GRIN2A: variants seen among roughly 807,000 people sequenced by gnomAD.
GRIN2A encodes glutamate receptor ionotropic, NMDA 2A.
GRIN2A carries 22 observed loss-of-function variants against 113.4 expected under a neutral mutation model. The observed-to-expected ratio is 0.19, with a 90% CI of 0.14 to 0.28. GRIN2A has a LOEUF of 0.28. Ranked by LOEUF, GRIN2A falls within the 10% of genes least tolerant of loss-of-function variation. The pLI is 1.00. For synonymous variants in GRIN2A, 827 were observed against 738.4 expected (o/e 1.12, Z -1.94); for missense variants, 1,502 against 1,887.0 (o/e 0.80, Z 3.78).
chr16:9,850,409 C>G (rs1238277306), intron 4 of GRIN2A, among the ~76,000 whole-genome samples: 1 of 152,166 alleles, frequency 6.6e-6, no homozygotes, highest in Non-Finnish European at 1.5e-5. Flanking sequence ...GAACACAATT[C>G]CCCCTACTTC....
intron 2 of GRIN2A, among the ~76,000 whole-genome samples, chr16:10,142,659 A>G (rs1191463775): frequency 6.6e-6 from 1 of 152,214 alleles, no homozygotes; most frequent in African/African-American, 2.4e-5. Context: ...AGATCATGCC[A>G]CTGTACTCTA....
At chr16:10,077,318 C>T in intron 2 of GRIN2A, among the ~76,000 whole-genome samples, 1 of 152,188 alleles carries the variant, frequency 6.6e-6, no homozygotes, top group East Asian at 1.9e-4. Context: ...GGATGTGTAA[C>T]AGGCATCTCA....
chr16:9,798,777 G>A (rs1432080249), intron 10 of GRIN2A, among the ~76,000 whole-genome samples: 1 of 152,188 alleles, frequency 6.6e-6, no homozygotes, highest in African/African-American at 2.4e-5. Flanking sequence ...GGAGGACAGT[G>A]CCCTATTTAG....
chr16:10,126,976 G>A (rs1177335473), intron 2 of GRIN2A, among the ~76,000 whole-genome samples: 1 of 152,146 alleles, frequency 6.6e-6, no homozygotes, highest in East Asian at 1.9e-4. Flanking sequence ...GGGGGAGTTG[G>A]AGCTGCCCTA....
At chr16:10,055,047 CAAAAAAAAAAAAAAAAAAAAA>C (rs71133304) in intron 2 of GRIN2A, among the ~76,000 whole-genome samples, 5 of 10,398 alleles carry the variant, frequency 4.8e-4, no homozygotes, top group African/African-American at 1.8e-3. Context: ...GACTCTATCT[CAAAAAAAAAAAAAAAAAAAAA>C]AAAAAAAAAA....
intron 2 of GRIN2A, among the ~76,000 whole-genome samples, chr16:10,052,456 G>C (rs778157989): frequency 2.8e-4 from 42 of 152,184 alleles, no homozygotes; most frequent in Non-Finnish European, 5.0e-4. Context: ...ACTTCCAACA[G>C]GAACGGTCAA....
In GRIN2A at chr16:10,180,061, G is replaced by A. The variant is rs2142387971; in HGVS notation, c.351C>T (p.Ser117=). 1 of 1,614,152 alleles carries A rather than the reference G, an allele frequency of 6.2e-7. No individual in the cohort carries two copies. Among genetic ancestry groups the A allele is most frequent in the Non-Finnish European group, 8.5e-7 (1 of 1,179,964 alleles). ...CCAAGATGGGGACGAAGGTGTGGGAGGAGATAAAATCCAGCATCTGGGCTA... is the reference window on the plus strand; with the variant it reads ...CCAAGATGGGGACGAAGGTGTGGGAAGAGATAAAATCCAGCATCTGGGCTA... ...EAVAQMLDFI[S]SHTFVPILGI... The change falls in exon 2 of 13, where the codon TCC becomes TCT. Residue 117 remains serine (S), a synonymous_variant. Coordinates refer to ENST00000330684, the MANE Select transcript of GRIN2A (RefSeq NM_001134407.3). The surrounding 1 kb of genome is among the most constrained non-coding windows in gnomAD (Gnocchi z 7.0).
At chr16:10,109,903 A>C (rs887147734) in intron 2 of GRIN2A, among the ~76,000 whole-genome samples, 10 of 150,474 alleles carry the variant, frequency 6.6e-5, no homozygotes, top group African/African-American at 2.5e-4. Flanking sequence ...ATTTTTTTTA[A>C]TTTTATTATT....
At chr16:10,176,057 C>T (rs188680114) in intron 2 of GRIN2A, among the ~76,000 whole-genome samples, 6 of 142,360 alleles carry the variant, frequency 4.2e-5, no homozygotes, top group Admixed American at 1.5e-4. Flanking sequence ...CAGGCTAGAG[C>T]GCAGTGGCAT....
intron 2 of GRIN2A, among the ~76,000 whole-genome samples, chr16:10,025,467 A>G (rs574969315): frequency 2.7e-5 from 4 of 150,906 alleles, no homozygotes; most frequent in Admixed American, 6.6e-5. Flanking sequence ...ACATCTGACT[A>G]TTTTTTCTTT....
intron 2 of GRIN2A, among the ~76,000 whole-genome samples, chr16:10,018,197 G>T (rs563947205): frequency 6.6e-5 from 10 of 152,280 alleles, no homozygotes; most frequent in African/African-American, 2.4e-4. Context: ...CTTCGTTTAG[G>T]AGGCAAAGCA....
intron 2 of GRIN2A, among the ~76,000 whole-genome samples, chr16:10,151,475 G>A (rs947267071): frequency 6.6e-6 from 1 of 152,162 alleles, no homozygotes; most frequent in African/African-American, 2.4e-5. Context: ...CCTTCAAGGT[G>A]CAAACATATT....
chr16:10,061,658 T>G (rs920123385), intron 2 of GRIN2A, among the ~76,000 whole-genome samples: 1 of 152,166 alleles, frequency 6.6e-6, no homozygotes, highest in East Asian at 1.9e-4. Flanking sequence ...CATTATAAAC[T>G]CTAAGTGCCT....
intron 4 of GRIN2A, among the ~76,000 whole-genome samples, chr16:9,885,218 C>T (rs2043565077): frequency 1.3e-5 from 2 of 152,134 alleles, no homozygotes; most frequent in African/African-American, 2.4e-5. Context: ...CTGGCATACA[C>T]GTGGCATTGG....
chr16:9,910,537 C>CTTTTTTTTTTTT (rs35352418), intron 3 of GRIN2A, among the ~76,000 whole-genome samples: 3 of 123,282 alleles, frequency 2.4e-5, no homozygotes, highest in African/African-American at 6.2e-5. Context: ...TCTCAGAGTT[C>CTTTTTTTTTTTT]TTTTTTTTTT....
chr16:10,008,334 A>AATACAAATGTAACAGATTAGC (rs2046441315), intron 2 of GRIN2A, among the ~76,000 whole-genome samples: 1 of 152,214 alleles, frequency 6.6e-6, no homozygotes, highest in Non-Finnish European at 1.5e-5. Flanking sequence ...TCCATCTTCT[A>AATACAAATGTAACAGATTAGC]ATACAAATGT....
At position 9,764,544 on chromosome 16, in the gene GRIN2A, C is replaced by G; in HGVS notation, c.3000G>C (p.Val1000=). 6.2e-7 allele frequency: 1 copy of G among 1,613,970 alleles called. No individual in the cohort carries two copies. The highest frequency in any genetic ancestry group is 1.1e-5 in the South Asian group (1 of 91,070). The change falls in exon 13 of 13, where the codon GTG becomes GTC. Residue 1000 remains valine (V), a synonymous_variant. Transcript: ENST00000330684. Reference sequence around the variant, plus strand: ...TAGAGTTCGCTTTGGATTCTGTGCTCACGGCCACCTCCACCGTGTTAGGGT... The same window carrying G: ...TAGAGTTCGCTTTGGATTCTGTGCTGACGGCCACCTCCACCGTGTTAGGGT... ...ESNPNTVEVA[V]STESKANSRP...
At chr16:10,085,038 G>C (rs139212023) in intron 2 of GRIN2A, among the ~76,000 whole-genome samples, 2 of 152,330 alleles carry the variant, frequency 1.3e-5, no homozygotes, top group African/African-American at 4.8e-5. Flanking sequence ...CCCTGAGCTA[G>C]GTACTGTTGT....
chr16:9,978,773 G>C (rs537790383), intron 2 of GRIN2A, among the ~76,000 whole-genome samples: 1 of 152,112 alleles, frequency 6.6e-6, no homozygotes, highest in Admixed American at 6.5e-5. Flanking sequence ...CTCTGTATTC[G>C]GAACGGATGT....
Sources: gnomAD v4.1 joint callset for allele counts (sites outside exome capture counted in the v4.1 genomes callset) on GRCh38, gnomAD v4.1.1 for gene constraint, Gnocchi (gnomAD v3.1) non-coding constraint, MANE v1.5 for transcripts, NCBI Gene and HGNC (gene_info 2026-07-23, HGNC 2026-07-21) for gene names.